Variants in RNF182 observed in about 807,000 individuals in gnomAD.
RNF182 encodes ring finger protein 182.
RNF182 carries 15 observed loss-of-function variants against 14.4 expected under a neutral mutation model. That is an observed-to-expected ratio of 1.04 (90% confidence interval 0.70 to 1.60). The LOEUF is 1.60. Among genes scored for constraint, RNF182 ranks in the 40% most tolerant of loss-of-function variants. RNF182 has a pLI of 0.00. For synonymous variants in RNF182, 128 were observed against 122.9 expected (o/e 1.04, Z -0.27); for missense variants, 268 against 294.8 (o/e 0.91, Z 0.67).
chr6:13,933,789 G>A (rs1759035807), intron 1 of RNF182, among the ~76,000 whole-genome samples: 1 of 152,114 alleles, frequency 6.6e-6, no homozygotes, highest in African/African-American at 2.4e-5. Context: ...AGGCTGAGGT[G>A]GACAGGTCAC....
At chr6:13,969,456 C>T (rs1409366865) in intron 1 of RNF182, among the ~76,000 whole-genome samples, 1 of 152,084 alleles carries the variant, frequency 6.6e-6, no homozygotes, top group African/African-American at 2.4e-5. Flanking sequence ...GCACAGCCCA[C>T]CCACCATTTT....
intron 1 of RNF182, among the ~76,000 whole-genome samples, chr6:13,946,567 C>G (rs986484006): frequency 1.3e-5 from 2 of 152,130 alleles, no homozygotes; most frequent in African/African-American, 4.8e-5. Context: ...AGTCCTGGGT[C>G]TGTTCAGTAA....
At chr6:13,948,422 CA>C (rs1759492091) in intron 1 of RNF182, among the ~76,000 whole-genome samples, 1 of 152,140 alleles carries the variant, frequency 6.6e-6, no homozygotes, top group Admixed American at 6.6e-5. Flanking sequence ...TTAATGATAA[CA>C]TATACTAAGT....
At chr6:13,965,201 T>A (rs1256451528) in intron 1 of RNF182, among the ~76,000 whole-genome samples, 1 of 152,140 alleles carries the variant, frequency 6.6e-6, no homozygotes, top group Non-Finnish European at 1.5e-5. Flanking sequence ...CATCAAACAT[T>A]TTAGTAAATG....
intron 1 of RNF182, among the ~76,000 whole-genome samples, chr6:13,931,984 A>G (rs1758983620): frequency 6.6e-6 from 1 of 152,172 alleles, no homozygotes; most frequent in Admixed American, 6.5e-5. Flanking sequence ...GTGATAAGGC[A>G]CCATCTGTGA....
chr6:13,939,618 G>A (rs138341454), intron 1 of RNF182, among the ~76,000 whole-genome samples: 62 of 151,724 alleles, frequency 4.1e-4, no homozygotes, highest in African/African-American at 1.3e-3. Flanking sequence ...ATCTGGGCTC[G>A]CTGCAAGCCC....
At chr6:13,935,066 T>C (rs1361198678) in intron 1 of RNF182, among the ~76,000 whole-genome samples, 4 of 152,140 alleles carry the variant, frequency 2.6e-5, no homozygotes, top group Non-Finnish European at 5.9e-5. Flanking sequence ...AGAGATGGTC[T>C]GGGAAAGATG....
chr6:13,935,816 G>A (rs189298712), intron 1 of RNF182, among the ~76,000 whole-genome samples: 73 of 152,266 alleles, frequency 4.8e-4, no homozygotes, highest in African/African-American at 1.2e-3. Flanking sequence ...TTATAATGGG[G>A]CATTAGAAAT....
intron 1 of RNF182, among the ~76,000 whole-genome samples, chr6:13,971,905 C>T (rs1191144312): frequency 2.6e-5 from 4 of 152,174 alleles, no homozygotes; most frequent in Non-Finnish European, 4.4e-5. Flanking sequence ...AAAGAAATTT[C>T]TAAGCAGCAA....
chr6:13,946,140 C>CATTATTATTATTATTATTATT (rs200937239), intron 1 of RNF182, among the ~76,000 whole-genome samples: 1 of 137,414 alleles, frequency 7.3e-6, no homozygotes, highest in African/African-American at 2.7e-5. Context: ...TAAAGCAAAA[C>CATTATTATTATTATTATTATT]ATTATTATTA....
At chr6:13,948,643 T>C (rs1317579068) in intron 1 of RNF182, among the ~76,000 whole-genome samples, 1 of 152,184 alleles carries the variant, frequency 6.6e-6, no homozygotes, top group East Asian at 1.9e-4. Context: ...TATTAAGTCT[T>C]TAGGTCCTAC....
At chr6:13,932,398 TA>T (rs1402071352) in intron 1 of RNF182, among the ~76,000 whole-genome samples, 3 of 152,212 alleles carry the variant, frequency 2.0e-5, no homozygotes, top group Non-Finnish European at 2.9e-5. Flanking sequence ...TTTCTTTGAC[TA>T]AACTTTAATT....
chr6:13,968,246 C>G (rs935777586), intron 1 of RNF182, among the ~76,000 whole-genome samples: 2 of 152,088 alleles, frequency 1.3e-5, no homozygotes, highest in African/African-American at 4.8e-5. Context: ...AAGAAACAAT[C>G]AGGGGCAGAG....
At chr6:13,938,323 T>G (rs1759194727) in intron 1 of RNF182, among the ~76,000 whole-genome samples, 3 of 151,808 alleles carry the variant, frequency 2.0e-5, no homozygotes. Flanking sequence ...GGCCTTTTTC[T>G]TATTGATTTT....
intron 2 of RNF182, among the ~76,000 whole-genome samples, chr6:13,974,974 G>A (rs1030518986): frequency 1.4e-4 from 22 of 152,216 alleles, no homozygotes; most frequent in African/African-American, 5.1e-4. Context: ...TTACATCTGG[G>A]TGGGCATGTA....
chr6:13,972,572 T>C (rs1431063110), intron 1 of RNF182, among the ~76,000 whole-genome samples: 1 of 152,170 alleles, frequency 6.6e-6, no homozygotes, highest in Non-Finnish European at 1.5e-5. Flanking sequence ...CTTGCTGCTT[T>C]GTGCAGTCTT....
At chr6:13,942,354 T>G (rs1033128649) in intron 1 of RNF182, among the ~76,000 whole-genome samples, 1 of 152,190 alleles carries the variant, frequency 6.6e-6, no homozygotes, top group Non-Finnish European at 1.5e-5. Flanking sequence ...AAAAAAAATT[T>G]TTTTTGAGAC....
intron 2 of RNF182, among the ~76,000 whole-genome samples, chr6:13,976,334 CAA>C (rs1294624692): frequency 2.0e-5 from 3 of 152,094 alleles, no homozygotes; most frequent in Non-Finnish European, 4.4e-5. Context: ...AATAATCAAA[CAA>C]TAAAAGCATT....
chr6:13,957,720 A>G (rs1255227066), intron 1 of RNF182, among the ~76,000 whole-genome samples: 1 of 152,298 alleles, frequency 6.6e-6, no homozygotes, highest in African/African-American at 2.4e-5. Context: ...CTTTAACTGT[A>G]TTTGTAATTT....
Sources: gnomAD v4.1 joint callset for allele counts (sites outside exome capture counted in the v4.1 genomes callset) on GRCh38, gnomAD v4.1.1 for gene constraint, MANE v1.5 for transcripts, NCBI Gene and HGNC (gene_info 2026-07-23, HGNC 2026-07-21) for gene names.